The following ANKHD1 variants were observed in gnomAD, a reference collection of about 807,000 sequenced individuals.
ANKHD1 encodes ankyrin repeat and KH domain-containing protein 1.
A neutral mutation model predicts 230.5 loss-of-function variants in ANKHD1; 31 were observed. The ratio of observed to expected loss-of-function variants is 0.13; its 90% CI spans 0.10 to 0.18. The LOEUF (loss-of-function observed/expected upper bound fraction) is 0.18. Among genes scored for constraint, ANKHD1 ranks in the 10% least tolerant of loss-of-function variants. The pLI is 1.00. For synonymous variants in ANKHD1, 1,074 were observed against 1,117.6 expected (o/e 0.96, Z 0.78); for missense variants, 2,256 against 3,071.3 (o/e 0.73, Z 6.27).
chr5:140,464,293 C>G (rs915536464), intron 9 of ANKHD1, among the ~76,000 whole-genome samples: 2 of 151,588 alleles, frequency 1.3e-5, no homozygotes, highest in African/African-American at 4.8e-5. Flanking sequence ...TTTCTGTTCT[C>G]ACGAAATAAT....
Position 140,497,182 on chromosome 5 carries a change from G to A in ANKHD1, c.2908G>A (p.Gly970Arg). ...IVGQPQIAIT[G>R]HDQGLLVQEP... ...AGGACAGCCTCAGATTGCTATTACT[G>A]GACATGATCAGGGGCTGTTAGTTCA... Residue 970 changes from glycine to arginine, a missense_variant, in exon 15 of 34, where the codon GGA becomes AGA. Gly to Arg is a moderately radical substitution (Grantham distance 125). Coordinates refer to ENST00000360839, the MANE Select transcript of ANKHD1 (RefSeq NM_017747.3). 1 of 1,613,670 alleles carries A rather than the reference G, an allele frequency of 6.2e-7. No homozygotes were observed. Among genetic ancestry groups the A allele is most frequent in the Non-Finnish European group, 8.5e-7 (1 of 1,180,016 alleles).
rs371464584 is a variant in ANKHD1 at position 140,457,790 on chromosome 5, A to G, written c.1243-835A>G. Among the ~76,000 whole-genome samples, 7 of 152,108 alleles carry G rather than the reference A, an allele frequency of 4.6e-5. No homozygotes were observed. The East Asian group carries it at 1.2e-3, about 25-fold the overall frequency. ...AACGGATGCAGCACACCAACATGGCACACGTATACGTATGTAACAAACCTG... is the reference window on the plus strand; with the variant it reads ...AACGGATGCAGCACACCAACATGGCGCACGTATACGTATGTAACAAACCTG... On this transcript the variant is annotated intron_variant, in intron 7 of 33. Transcript: ENST00000360839.
chr5:140,419,784 T>TTCTTTCTCTCTC (rs772397260), intron 1 of ANKHD1, among the ~76,000 whole-genome samples: 1 of 68,618 alleles, frequency 1.5e-5, no homozygotes, highest in South Asian at 5.2e-4. Flanking sequence ...TTTTCTTTCT[T>TTCTTTCTCTCTC]TCTTTCTTTC....
At chr5:140,488,220 T>C (rs114027901) in intron 14 of ANKHD1, among the ~76,000 whole-genome samples, 4 of 152,072 alleles carry the variant, frequency 2.6e-5, no homozygotes, top group African/African-American at 7.2e-5. Flanking sequence ...TTGTTTTCTT[T>C]GGGGGGGAGT....
chr5:140,518,350 A>G (rs570451725), intron 24 of ANKHD1, among the ~76,000 whole-genome samples: 12 of 152,280 alleles, frequency 7.9e-5, no homozygotes, highest in African/African-American at 2.9e-4. Context: ...GCCGAATTCT[A>G]CCAGAGGTAC....
intron 1 of ANKHD1, among the ~76,000 whole-genome samples, chr5:140,422,949 C>T (rs1334140440): frequency 6.6e-6 from 1 of 151,698 alleles, no homozygotes; most frequent in Non-Finnish European, 1.5e-5. Context: ...GATCATGGCT[C>T]ACTGCAAACT....
chr5:140,523,201 C>T (rs932300519), intron 24 of ANKHD1, among the ~76,000 whole-genome samples: 1 of 143,420 alleles, frequency 7.0e-6, no homozygotes, highest in Non-Finnish European at 1.5e-5. Flanking sequence ...GAGCCTCAAA[C>T]TCCTGGGCAC....
In ANKHD1 at chr5:140,438,548, T is replaced by G. The variant is rs1307991072; in HGVS notation, c.548T>G (p.Leu183Arg). 1.2e-6 allele frequency: 2 copies of G among 1,613,442 alleles called. No individual in the cohort carries two copies. The highest frequency in any genetic ancestry group is 3.3e-5 in the Admixed American group (2 of 59,950). The change falls in exon 3 of 34, where the codon CTG (leucine) becomes CGG (arginine). Residue 183 changes from leucine (L) to arginine (R), a missense_variant. Physicochemically the swap from Leu to Arg is moderately radical, Grantham distance 102. Coordinates refer to ENST00000360839, the MANE Select transcript of ANKHD1 (RefSeq NM_017747.3). Reference protein sequence around the residue: ...RRLTSSVSCALDEAAAALTRM... With the variant: ...RRLTSSVSCARDEAAAALTRM... Reference sequence around the variant, plus strand: ...CTGACATCCTCAGTTAGTTGTGCACTGGATGAAGCTGCTGCTGCACTGACA... The same window carrying G: ...CTGACATCCTCAGTTAGTTGTGCACGGGATGAAGCTGCTGCTGCACTGACA...
intron 29 of ANKHD1, among the ~76,000 whole-genome samples, chr5:140,530,981 A>G (rs1338666113): frequency 6.6e-6 from 1 of 152,274 alleles, no homozygotes; most frequent in East Asian, 1.9e-4. Context: ...TTTCAAATAG[A>G]AATAGAAGCC....
chr5:140,476,903 C>A (rs1056517562), intron 10 of ANKHD1, among the ~76,000 whole-genome samples: 1 of 152,042 alleles, frequency 6.6e-6, no homozygotes, highest in Non-Finnish European at 1.5e-5. Context: ...AGTTTAAAAG[C>A]CACGCTAGAG....
chr5:140,417,477 G>T (rs951176609), intron 1 of ANKHD1, among the ~76,000 whole-genome samples: 4 of 151,636 alleles, frequency 2.6e-5, no homozygotes, highest in Non-Finnish European at 5.9e-5. Flanking sequence ...ATTAAAGACA[G>T]TGTCTCTGTC....
chr5:140,482,237 T>G (rs1190318069), intron 10 of ANKHD1, among the ~76,000 whole-genome samples: 1 of 152,174 alleles, frequency 6.6e-6, no homozygotes, highest in Non-Finnish European at 1.5e-5. Flanking sequence ...TTCACAGGAC[T>G]GAGGTTCCTT....
chr5:140,431,054 A>G (rs1773006942), intron 1 of ANKHD1, among the ~76,000 whole-genome samples: 1 of 152,208 alleles, frequency 6.6e-6, no homozygotes, highest in African/African-American at 2.4e-5. Flanking sequence ...TGAACCGCCA[A>G]AAGTAATCTC....
chr5:140,503,234 T>G (rs1191169449), intron 15 of ANKHD1, among the ~76,000 whole-genome samples: 3 of 152,196 alleles, frequency 2.0e-5, no homozygotes, highest in Non-Finnish European at 4.4e-5. Flanking sequence ...GATGCTTTGT[T>G]GATTTTTTTG....
chr5:140,504,088 T>A (rs1006979370), intron 15 of ANKHD1, among the ~76,000 whole-genome samples: 1 of 150,840 alleles, frequency 6.6e-6, no homozygotes, highest in Non-Finnish European at 1.5e-5. Flanking sequence ...AGTCTAGCTC[T>A]GTCACCCAGG....
intron 2 of ANKHD1, among the ~76,000 whole-genome samples, chr5:140,436,687 A>G (rs1010519329): frequency 2.0e-5 from 3 of 151,784 alleles, no homozygotes; most frequent in Non-Finnish European, 4.4e-5. Context: ...GGGAGGTTTC[A>G]GTGAGCCGAG....
chr5:140,469,999 T>C (rs1218259810), intron 10 of ANKHD1, among the ~76,000 whole-genome samples: 1 of 152,078 alleles, frequency 6.6e-6, no homozygotes, highest in South Asian at 2.1e-4. Context: ...GGTGCTTGCA[T>C]ATTTTAGAAT....
intron 10 of ANKHD1, among the ~76,000 whole-genome samples, chr5:140,477,635 C>T (rs891257210): frequency 2.0e-5 from 3 of 152,098 alleles, no homozygotes; most frequent in African/African-American, 4.8e-5. Context: ...TGTTTTGAGA[C>T]GGAGTCTCAC....
At chr5:140,427,745 C>A (rs1168437477) in intron 1 of ANKHD1, among the ~76,000 whole-genome samples, 1 of 149,500 alleles carries the variant, frequency 6.7e-6, no homozygotes, top group African/African-American at 2.5e-5. Flanking sequence ...CCCTCACCTC[C>A]CGGACAGGGC....
Sources: gnomAD v4.1 joint callset for allele counts (sites outside exome capture counted in the v4.1 genomes callset) on GRCh38, gnomAD v4.1.1 for gene constraint, MANE v1.5 for transcripts, NCBI Gene and HGNC (gene_info 2026-07-23, HGNC 2026-07-21) for gene names.